BRSK2: variants seen among roughly 807,000 people sequenced by gnomAD.
The protein encoded by BRSK2 is BR serine/threonine kinase 2.
In BRSK2, 19 loss-of-function variants were observed where a neutral mutation model predicts 83.3. The observed-to-expected ratio is 0.23, with a 90% confidence interval of 0.16 to 0.33. The LOEUF is 0.33. Ranked by LOEUF, BRSK2 falls within the 10% of genes least tolerant of loss-of-function variation. The probability of loss-of-function intolerance (pLI) is 1.00; values close to 1 mark genes in which losing one functional copy is unlikely to be tolerated. For synonymous variants in BRSK2, 519 were observed against 435.4 expected, an observed-to-expected ratio of 1.19 and a Z score of -2.39; for missense variants, 798 against 1,042.3, an observed-to-expected ratio of 0.77 and a Z score of 3.23.
In BRSK2 at chr11:1,390,964, C is replaced by A. The variant is rs1007178774; in HGVS notation, c.91+589C>A. 6.6e-6 allele frequency among the ~76,000 whole-genome samples: 1 copy of A among 152,148 alleles called. No individual in the cohort carries two copies. The highest frequency in any genetic ancestry group is 2.4e-5 in the African/African-American group (1 of 41,436). On this transcript the variant is annotated intron_variant, in intron 1 of 19. Coordinates refer to ENST00000528841, the MANE Select transcript of BRSK2 (RefSeq NM_001256627.2). The surrounding 1 kb of genome is among the most constrained non-coding windows in gnomAD (Gnocchi z 6.8). ...GGGCGGGCGGAGCGTCTGTGACCTGCATTCCCACGGGGCAGGGAGAGGCCA... is the reference window on the plus strand; with the variant it reads ...GGGCGGGCGGAGCGTCTGTGACCTGAATTCCCACGGGGCAGGGAGAGGCCA...
chr11:1,428,616 C>T (rs1332270112), intron 1 of BRSK2, among the ~76,000 whole-genome samples: 1 of 152,226 alleles, frequency 6.6e-6, no homozygotes, highest in Non-Finnish European at 1.5e-5. Context: ...GGTTGTCAGG[C>T]TCCCTCCCAT....
At chr11:1,417,728 G>C (rs1442635531) in intron 1 of BRSK2, among the ~76,000 whole-genome samples, 1 of 128,216 alleles carries the variant, frequency 7.8e-6, no homozygotes, top group Admixed American at 7.7e-5. Flanking sequence ...ACTGTGTCCT[G>C]CTTCTGTTGG....
chr11:1,392,044 CT>C (rs1845761158), intron 1 of BRSK2, among the ~76,000 whole-genome samples: 1 of 152,192 alleles, frequency 6.6e-6, no homozygotes, highest in African/African-American at 2.4e-5. Context: ...AAAGCGGCCC[CT>C]CTCTCCCGAG....
intron 16 of BRSK2, 142 bp from the exon 17 acceptor site, chr11:1,456,206 A>T: frequency 1.1e-6 from 1 of 882,298 alleles, no homozygotes; most frequent in Non-Finnish European, 1.7e-6. Flanking sequence ...CTCCAACCGC[A>T]CTGTGCCCCT....
chr11:1,414,791 G>A (rs984511076), intron 1 of BRSK2, among the ~76,000 whole-genome samples: 2 of 152,142 alleles, frequency 1.3e-5, no homozygotes, highest in African/African-American at 4.8e-5. Context: ...GTTTCTGGAC[G>A]TGTCACAGAC....
At chr11:1,437,427 G>T (rs1850471756) in intron 2 of BRSK2, among the ~76,000 whole-genome samples, 1 of 152,296 alleles carries the variant, frequency 6.6e-6, no homozygotes, top group Non-Finnish European at 1.5e-5. Context: ...TCTTTGTGCT[G>T]GGCGGAGCAC....
At position 1,443,073 on chromosome 11, in the gene BRSK2, A is replaced by AGCCCCGCCGCTGACCTCT. The variant is rs1465270641; in HGVS notation, c.531-28_531-11dup. On this transcript the variant is annotated intron_variant, in intron 5 of 19. Transcript: ENST00000528841. ...GGGGGGAGGGCCTGGCAGCGCCCGGAGCCCCGCCGCTGACCTCTGCCCTTG... is the reference window on the plus strand; with the variant it reads ...GGGGGGAGGGCCTGGCAGCGCCCGGAGCCCCGCCGCTGACCTCTGCCCCGCCGCTGACCTCTGCCCTTG... The AGCCCCGCCGCTGACCTCT allele has an allele frequency of 2.0e-4, 309 of 1,526,058 alleles. 1 individual carries two copies. The highest frequency in any genetic ancestry group is 2.4e-4 in the Non-Finnish European group (275 of 1,142,162). The allele number at this position is 1,526,058 out of a possible 1,614,324, so 94.5% of individuals were successfully genotyped here.
At chr11:1,442,024 T>C (rs1272614263) in intron 4 of BRSK2, among the ~76,000 whole-genome samples, 1 of 106,152 alleles carries the variant, frequency 9.4e-6, no homozygotes, top group Non-Finnish European at 1.8e-5. Flanking sequence ...AAGTGCACCA[T>C]GTGCACCAGG....
intron 1 of BRSK2, among the ~76,000 whole-genome samples, chr11:1,409,231 G>A (rs72843211): frequency 0.15 from 22,963 of 152,208 alleles, 2,278 homozygotes; most frequent in Non-Finnish European, 0.2. Context: ...GGGAGTCAGG[G>A]AGAGGCTGGG....
chr11:1,453,137 C>T (rs1390428612), intron 15 of BRSK2, among the ~76,000 whole-genome samples: 2 of 152,240 alleles, frequency 1.3e-5, no homozygotes, highest in South Asian at 2.1e-4. Context: ...CCAGACTCAA[C>T]AGGCGACTGA....
intron 1 of BRSK2, among the ~76,000 whole-genome samples, chr11:1,419,094 CT>C (rs1848390367): frequency 6.6e-6 from 1 of 151,088 alleles, no homozygotes; most frequent in Non-Finnish European, 1.5e-5. Context: ...CTTTGCTCAG[CT>C]GTGTTTGTGG....
intron 1 of BRSK2, among the ~76,000 whole-genome samples, chr11:1,406,103 C>T (rs916126381): frequency 2.0e-5 from 3 of 152,180 alleles, no homozygotes; most frequent in African/African-American, 7.2e-5. Context: ...CGGCCAGCGG[C>T]TCCTCCTGCC....
At chr11:1,437,901 AG>A (rs1006633691) in intron 2 of BRSK2, among the ~76,000 whole-genome samples, 1 of 152,076 alleles carries the variant, frequency 6.6e-6, no homozygotes, top group African/African-American at 2.4e-5. Context: ...CTCCTGCTCC[AG>A]GGGCCCCCAG....
In BRSK2 at chr11:1,423,031, A is replaced by G. The variant is rs1428720701; in HGVS notation, c.92-13009A>G. On this transcript the variant is annotated intron_variant, in intron 1 of 19. Coordinates refer to ENST00000528841, the MANE Select transcript of BRSK2 (RefSeq NM_001256627.2). This position sits in a 1 kb window ranked among gnomAD's most constrained non-coding sequence, Gnocchi z 6.5. ...CTTTGCGAAGATCAAGGGGAGGGCAATGCAGCTTGGGAGCCTTAGCTCAGC... is the reference window on the plus strand; with the variant it reads ...CTTTGCGAAGATCAAGGGGAGGGCAGTGCAGCTTGGGAGCCTTAGCTCAGC... Among the ~76,000 whole-genome samples the G allele has an allele frequency of 1.3e-5, 2 of 152,158 alleles. No homozygotes were observed. The highest frequency in any genetic ancestry group is 1.9e-4 in the East Asian group (1 of 5,182).
Position 1,445,791 on chromosome 11 carries a change from G to C in BRSK2, c.1110G>C (p.Leu370=), listed in dbSNP as rs1351274116. The C allele has an allele frequency of 1.9e-6, 3 of 1,612,266 alleles. No homozygotes were observed. The highest frequency in any genetic ancestry group is 2.5e-6 in the Non-Finnish European group (3 of 1,179,652). Residue 370 remains leucine (L), a synonymous_variant, in exon 12 of 20, where the codon CTG becomes CTC. Coordinates refer to ENST00000528841, the MANE Select transcript of BRSK2 (RefSeq NM_001256627.2). ...GGAAGCGTGTGGACTCCCCGATGCT[G>C]AACCGGCACGGCAAGCGGCGGCCAG... ...PPRKRVDSPM[L]NRHGKRRPER...
intron 14 of BRSK2, 76 bp downstream of exon 14, chr11:1,450,870 A>G: frequency 7.2e-7 from 1 of 1,396,990 alleles, no homozygotes; most frequent in Non-Finnish European, 9.6e-7. Context: ...CCCGCCCGGC[A>G]GTGCCAGACC....
rs776475802 is a variant in BRSK2, at chr11:1,445,656, C to A, written c.1063C>A (p.Arg355=). 1.3e-5 allele frequency: 20 copies of A among 1,597,806 alleles called. No individual in the cohort carries two copies. Among genetic ancestry groups the A allele is most frequent in the Non-Finnish European group, 1.5e-5 (18 of 1,172,768 alleles). The change falls in exon 11 of 20, where the codon CGG becomes AGG. Residue 355 remains arginine, a synonymous_variant. Transcript: ENST00000528841. ...CCAGGAGGATGAGGACCTGCCCCCC[C>A]GGAACGAGATAGGTATGGGTCCAGG... ...PSQEDEDLPP[R]NEIDPPRKRV... is the part of the protein sequence containing the mutation.
intron 15 of BRSK2, among the ~76,000 whole-genome samples, chr11:1,453,149 T>G (rs556695651): frequency 7.9e-5 from 12 of 152,278 alleles, no homozygotes; most frequent in African/African-American, 2.2e-4. Context: ...GGCGACTGAT[T>G]TAAGTTCGTC....
Position 1,456,599 on chromosome 11 carries a change from C to T in BRSK2, c.1851C>T (p.Gly617=), listed in dbSNP as rs756467483. 1 of 1,610,314 alleles carries T rather than the reference C, an allele frequency of 6.2e-7. No homozygotes were observed. The highest frequency in any genetic ancestry group is 1.3e-5 in the African/African-American group (1 of 74,918). ...GGCATAACCCCCTGTCTCCCCTAGG[C>T]CCCAGCCGTCGCTTCAAGAGGGTGG... The part of the protein sequence containing the change: ...IYSVTFTLLS[G]PSRRFKRVVE... Residue 617 remains glycine (G), a splice_region_variant and synonymous_variant, in exon 18 of 20, where the codon GGC becomes GGT. Transcript: ENST00000528841.
Sources: gnomAD v4.1 joint callset for allele counts (sites outside exome capture counted in the v4.1 genomes callset) on GRCh38, gnomAD v4.1.1 for gene constraint, Gnocchi (gnomAD v3.1) non-coding constraint, MANE v1.5 for transcripts, NCBI Gene and HGNC (gene_info 2026-07-23, HGNC 2026-07-21) for gene names.